Variants in GMCL1 observed in about 807,000 individuals in gnomAD.
GMCL1 encodes germ cell-less 1, spermatogenesis associated, also known as germ cell-less protein-like 1.
In GMCL1, 54 loss-of-function variants were observed where a neutral mutation model predicts 75.5. The ratio of observed to expected loss-of-function variants is 0.71; its 90% confidence interval spans 0.57 to 0.90. The LOEUF (loss-of-function observed/expected upper bound fraction) is 0.90. GMCL1 is among the 40% of genes least tolerant of loss of function. The pLI is 0.00. For synonymous variants in GMCL1, 210 were observed against 209.6 expected (o/e 1.00, Z -0.02); for missense variants, 537 against 622.7 (o/e 0.86, Z 1.47).
At chr2:69,851,467 G>T (rs576316599) in intron 8 of GMCL1, among the ~76,000 whole-genome samples, 279 of 152,206 alleles carry the variant, frequency 1.8e-3, no homozygotes, top group African/African-American at 6.3e-3. Flanking sequence ...AAAATTAGCC[G>T]GGTATGGTGG....
At chr2:69,853,411 G>A (rs916427665) in intron 8 of GMCL1, among the ~76,000 whole-genome samples, 3 of 152,140 alleles carry the variant, frequency 2.0e-5, no homozygotes, top group Non-Finnish European at 4.4e-5. Context: ...ATGAGATAAT[G>A]TGGAAATTCT....
rs192185829 is a variant in GMCL1, at chr2:69,865,477, A to G, written c.1218+502A>G. Among the ~76,000 whole-genome samples, 77 of 152,040 alleles carry G rather than the reference A, an allele frequency of 5.1e-4. No individual in the cohort carries two copies. In the East Asian group the frequency reaches 7.6e-3, roughly 15 times the overall value. On this transcript the variant is annotated intron_variant, in intron 11 of 13. Transcript: ENST00000282570. Reference sequence around the variant, plus strand: ...AGCCTGGCCAACATGGTGAAACCCCATCTCTACTAAAAATACAGAAGTTAG... The same window carrying G: ...AGCCTGGCCAACATGGTGAAACCCCGTCTCTACTAAAAATACAGAAGTTAG...
At chr2:69,856,965 A>T (rs1675488689) in intron 9 of GMCL1, among the ~76,000 whole-genome samples, 1 of 152,124 alleles carries the variant, frequency 6.6e-6, no homozygotes, top group Non-Finnish European at 1.5e-5. Flanking sequence ...CTCAGCTCTC[A>T]GCCTCCTAGT....
chr2:69,869,608 C>A, intron 11 of GMCL1, 111 bp from the exon 12 acceptor site: 1 of 1,038,088 alleles, frequency 9.6e-7, no homozygotes, highest in Non-Finnish European at 1.4e-6. Context: ...GTCGACCACC[C>A]ATGAGGGAAA....
intron 1 of GMCL1, among the ~76,000 whole-genome samples, chr2:69,831,768 A>G (rs1674680274): frequency 6.6e-6 from 1 of 152,006 alleles, no homozygotes; most frequent in African/African-American, 2.4e-5. Context: ...CACCACACCC[A>G]GCTAATTTTT....
In GMCL1 at chr2:69,829,936, C is replaced by T; in HGVS notation, c.44C>T (p.Ala15Val). ...SSRVLRQPRP[A>V]LAQQAQGARA... ...CGGGTGCTGCGCCAGCCAAGACCAG[C>T]CCTTGCCCAGCAGGCGCAGGGTGCC... Residue 15 changes from alanine to valine, a missense_variant, in exon 1 of 14, where the codon GCC (alanine) becomes GTC (valine). Transcript: ENST00000282570. The T allele has an allele frequency of 1.2e-6, 2 of 1,604,188 alleles. No homozygotes were observed. Among genetic ancestry groups the T allele is most frequent in the Non-Finnish European group, 1.7e-6 (2 of 1,175,524 alleles).
intron 13 of GMCL1, among the ~76,000 whole-genome samples, chr2:69,875,009 T>G (rs1203130334): frequency 2.0e-5 from 3 of 152,162 alleles, no homozygotes; most frequent in Non-Finnish European, 4.4e-5. Context: ...CCTCCCAAAG[T>G]GCTGGGATTA....
chr2:69,839,439 CT>C lies in GMCL1; in HGVS notation c.385-8del, dbSNP rs3832156. 3.5e-3 allele frequency: 4,548 copies of C among 1,311,926 alleles called. No homozygotes were observed. The highest frequency in any genetic ancestry group is 5.4e-3 in the South Asian group (383 of 70,636). The allele number at this position is 1,311,926 out of a possible 1,614,324, so 81.3% of individuals were successfully genotyped here. On this transcript the variant is annotated splice_polypyrimidine_tract_variant and intron_variant, in intron 2 of 13. Transcript: ENST00000282570. ...ACAGAAAGTACTTGATAATCGTTGA[CT>C]TTTTTTTTTGTTTAAGTCTGGCTAC...
Position 69,844,167 on chromosome 2 carries a change from C to T in GMCL1, c.729C>T (p.His243=), listed in dbSNP as rs1675067069. 6.4e-7 allele frequency: 1 copy of T among 1,573,406 alleles called. No homozygotes were observed. Among genetic ancestry groups the T allele is most frequent in the Non-Finnish European group, 8.6e-7 (1 of 1,158,286 alleles). The change falls in exon 6 of 14, where the codon CAC becomes CAT. Residue 243 remains histidine, a synonymous_variant. Transcript: ENST00000282570. The part of the protein sequence containing the change: ...LEWLLNNLMT[H]QNVELFKELS... Reference sequence around the variant, plus strand: ...GGCTTCTAAACAATTTGATGACTCACCAGAATGTTGAACTTTTTAAAGAAC... The same window carrying T: ...GGCTTCTAAACAATTTGATGACTCATCAGAATGTTGAACTTTTTAAAGAAC...
At chr2:69,843,100 A>AT in intron 4 of GMCL1, 49 bp from the exon 5 acceptor site, 1 of 970,064 alleles carries the variant, frequency 1.0e-6, no homozygotes, top group Non-Finnish European at 1.6e-6. Context: ...GTCAGAGCTA[A>AT]TTTTTCCCAC....
intron 6 of GMCL1, chr2:69,844,494 TA>T (rs1339648671): frequency 5.3e-6 from 1 of 187,818 alleles, no homozygotes; most frequent in Non-Finnish European, 1.1e-5. Flanking sequence ...AGTTATATTT[TA>T]AAAATCATCT....
At chr2:69,852,544 CT>C (rs143568937) in intron 8 of GMCL1, among the ~76,000 whole-genome samples, 34 of 147,588 alleles carry the variant, frequency 2.3e-4, no homozygotes, top group Non-Finnish European at 2.3e-4. Context: ...GTCTGTCTGT[CT>C]TTTTTTTTTT....
In GMCL1 at chr2:69,855,104, A is replaced by G. The variant is rs1675432817; in HGVS notation, c.1072+144A>G. 8 of 608,536 alleles carry G rather than the reference A, an allele frequency of 1.3e-5. No homozygotes were observed. The South Asian group carries it at 1.7e-4, about 13-fold the overall frequency. 37.7% of individuals were successfully genotyped at this position (608,536 alleles called of 1,614,324 possible). Reference sequence around the variant, plus strand: ...CTTTATGCCAAAGTGGAATCATCCTATAGAAGTAATTTTCTGTGCTTACAT... The same window carrying G: ...CTTTATGCCAAAGTGGAATCATCCTGTAGAAGTAATTTTCTGTGCTTACAT... On this transcript the variant is annotated intron_variant, in intron 9 of 13. Transcript: ENST00000282570.
chr2:69,865,047 G>A, intron 11 of GMCL1, 72 bp downstream of exon 11: 1 of 1,122,654 alleles, frequency 8.9e-7, no homozygotes, highest in Non-Finnish European at 1.3e-6. Flanking sequence ...CCTGTAAGTA[G>A]TAATCATGAC....
chr2:69,873,967 T>C (rs1573376011), intron 13 of GMCL1: 2 of 160,838 alleles, frequency 1.2e-5, no homozygotes, highest in East Asian at 3.9e-4. Flanking sequence ...TTTTTCACTT[T>C]GTTGTACATA....
At chr2:69,878,394 G>T (rs1328640995) in intron 13 of GMCL1, among the ~76,000 whole-genome samples, 2 of 152,170 alleles carry the variant, frequency 1.3e-5, no homozygotes, top group African/African-American at 4.8e-5. Flanking sequence ...AGCTACTCAG[G>T]AGGCTGAGGC....
Position 69,878,970 on chromosome 2 carries a change from ACTT to A in GMCL1, c.1518_1520del (p.Phe506del). ...ATCTTCCCTTTATATATCTGCTGTA[ACTT>A]CTTGTATATATCACCAGAAAAAAAG... On this transcript the variant is annotated inframe_deletion, in exon 14 of 14. Coordinates refer to ENST00000282570, the MANE Select transcript of GMCL1 (RefSeq NM_178439.5). 1 of 1,608,028 alleles carries A rather than the reference ACTT, an allele frequency of 6.2e-7. No homozygotes were observed. The highest frequency in any genetic ancestry group is 8.5e-7 in the Non-Finnish European group (1 of 1,174,818).
At chr2:69,873,532 T>C (rs548086428) in intron 13 of GMCL1, 6 of 151,964 alleles carry the variant, frequency 3.9e-5, no homozygotes, top group South Asian at 4.2e-4. Context: ...GAAAAACATA[T>C]ATATTTAGAA....
At chr2:69,861,840 T>G (rs948698117) in intron 10 of GMCL1, among the ~76,000 whole-genome samples, 1 of 152,148 alleles carries the variant, frequency 6.6e-6, no homozygotes, top group Non-Finnish European at 1.5e-5. Context: ...CCCAGCACTT[T>G]GGGAGGCTGA....
Sources: gnomAD v4.1 joint callset for allele counts (sites outside exome capture counted in the v4.1 genomes callset) on GRCh38, gnomAD v4.1.1 for gene constraint, MANE v1.5 for transcripts, NCBI Gene and HGNC (gene_info 2026-07-23, HGNC 2026-07-21) for gene names.